Variants in HDAC9 observed in about 807,000 individuals in gnomAD.
HDAC9 encodes histone deacetylase 9.
In HDAC9, 41 loss-of-function variants were observed where a neutral mutation model predicts 139.4. The ratio of observed to expected loss-of-function variants is 0.29; its 90% confidence interval spans 0.23 to 0.38. HDAC9 has a LOEUF of 0.38. HDAC9 is among the 10% of genes least tolerant of loss of function. HDAC9 has a pLI of 1.00. For synonymous variants in HDAC9, 517 were observed against 476.2 expected, an observed-to-expected ratio of 1.09 and a Z score of -1.12; for missense variants, 1,147 against 1,297.0, an observed-to-expected ratio of 0.88 and a Z score of 1.78.
intron 2 of HDAC9, among the ~76,000 whole-genome samples, chr7:18,531,570 GA>G (rs1419827858): frequency 6.6e-6 from 1 of 151,644 alleles, no homozygotes; most frequent in Non-Finnish European, 1.5e-5. Context: ...TATGATTAAA[GA>G]AAATCAAGTT....
At chr7:18,155,959 AG>A (rs1216128584) in intron 1 of HDAC9, among the ~76,000 whole-genome samples, 5 of 152,206 alleles carry the variant, frequency 3.3e-5, no homozygotes, top group Non-Finnish European at 5.9e-5. Context: ...TGTGCCCATC[AG>A]CTTCCCAGTC....
chr7:18,389,592 G>A (rs1786266100), intron 1 of HDAC9, among the ~76,000 whole-genome samples: 2 of 152,192 alleles, frequency 1.3e-5, no homozygotes, highest in Non-Finnish European at 2.9e-5. Flanking sequence ...TGCAAGGGAG[G>A]CTGGGTTGTA....
chr7:18,682,447 A>G (rs899718973), intron 12 of HDAC9, among the ~76,000 whole-genome samples: 1 of 152,024 alleles, frequency 6.6e-6, no homozygotes, highest in Non-Finnish European at 1.5e-5. Context: ...ATGCCTACAC[A>G]CATTCACACT....
chr7:18,413,059 A>C (rs1218239796), intron 1 of HDAC9, among the ~76,000 whole-genome samples: 6 of 152,238 alleles, frequency 3.9e-5, no homozygotes, highest in African/African-American at 1.4e-4. Flanking sequence ...TTCTCTGTCA[A>C]GGATGTCTAC....
intron 2 of HDAC9, among the ~76,000 whole-genome samples, chr7:18,186,428 A>T (rs181700916): frequency 6.6e-6 from 1 of 152,352 alleles, no homozygotes; most frequent in East Asian, 1.9e-4. Context: ...TTGTGGTAGG[A>T]TGGTGCTTTC....
At position 18,762,273 on chromosome 7, in the gene HDAC9, C is replaced by A. The variant is rs756219499; in HGVS notation, c.2160C>A (p.Leu720=). The A allele has an allele frequency of 1.2e-4, 192 of 1,613,280 alleles. No individual in the cohort carries two copies. Among genetic ancestry groups the A allele is most frequent in the Non-Finnish European group, 1.6e-4 (186 of 1,179,588 alleles). Residue 720 remains leucine, a synonymous_variant, in exon 15 of 26, where the codon CTC becomes CTA. Transcript: ENST00000686413. ...GACAGAAGCTGGACCCCAGGATACTCCTAGGTCTGTACGGGCCTCCACTGT... is the reference window on the plus strand; with the variant it reads ...GACAGAAGCTGGACCCCAGGATACTACTAGGTCTGTACGGGCCTCCACTGT... ...LDGQKLDPRI[L]LGDDSQKFFS... is the part of the protein sequence containing the mutation.
At chr7:18,745,822 A>G (rs1247423408) in intron 13 of HDAC9, among the ~76,000 whole-genome samples, 2 of 150,514 alleles carry the variant, frequency 1.3e-5, no homozygotes, top group Non-Finnish European at 3.0e-5. Context: ...CTGGGATTAC[A>G]GGCGTGAGCC....
At chr7:18,359,029 C>G (rs1183692008) in intron 1 of HDAC9, among the ~76,000 whole-genome samples, 2 of 152,216 alleles carry the variant, frequency 1.3e-5, no homozygotes, top group Non-Finnish European at 2.9e-5. Flanking sequence ...AAAACCTGCA[C>G]TGTTCATCAC....
intron 1 of HDAC9, among the ~76,000 whole-genome samples, chr7:18,377,564 G>A (rs1785092826): frequency 6.6e-6 from 1 of 152,096 alleles, no homozygotes; most frequent in Admixed American, 6.6e-5. Context: ...CTAAAATAAA[G>A]ACAATAATTT....
chr7:18,762,861 C>A (rs982825830), intron 15 of HDAC9, among the ~76,000 whole-genome samples: 1 of 152,016 alleles, frequency 6.6e-6, no homozygotes, highest in African/African-American at 2.4e-5. Flanking sequence ...TTTTTTGAAA[C>A]TTTATCGTCA....
At chr7:18,308,091 ACT>A (rs2128621425) in intron 1 of HDAC9, among the ~76,000 whole-genome samples, 1 of 152,314 alleles carries the variant, frequency 6.6e-6, no homozygotes, top group Admixed American at 6.5e-5. Context: ...ATGTTTTCAA[ACT>A]CAAATGTAAT....
intron 6 of HDAC9, among the ~76,000 whole-genome samples, chr7:18,606,884 G>T (rs531353820): frequency 1.3e-5 from 2 of 152,220 alleles, no homozygotes; most frequent in South Asian, 4.1e-4. Context: ...GTGCTTTCTG[G>T]TGGCAGGGAG....
At chr7:18,644,827 C>G in intron 9 of HDAC9, 34 bp downstream of exon 9, 2 of 1,581,780 alleles carry the variant, frequency 1.3e-6, no homozygotes, top group African/African-American at 1.4e-5. Flanking sequence ...CTTAATCAAC[C>G]TAAGCAATAT....
At chr7:18,681,267 A>G (rs1466397040) in intron 12 of HDAC9, among the ~76,000 whole-genome samples, 1 of 152,022 alleles carries the variant, frequency 6.6e-6, no homozygotes, top group Non-Finnish European at 1.5e-5. Flanking sequence ...TTGAATTAGA[A>G]TATTCCAGTT....
At position 18,666,468 on chromosome 7, in the gene HDAC9, A is replaced by G. The variant is rs1381366477; in HGVS notation, c.1723A>G (p.Met575Val). The G allele has an allele frequency of 6.2e-7, 1 of 1,608,746 alleles. No homozygotes were observed. Among genetic ancestry groups the G allele is most frequent in the African/African-American group, 1.3e-5 (1 of 74,824 alleles). Residue 575 changes from methionine (M) to valine (V), a missense_variant, in exon 12 of 26, where the codon ATG (methionine) becomes GTG (valine). By Grantham distance (21) the Met-to-Val change is conservative. Around this residue, in one of 7 missense-constraint regions of HDAC9, gnomAD observed 256 missense variants for 219.2 expected, o/e 1.17. Transcript: ENST00000686413. Reference protein sequence around the residue: ...EMESGEQAAFMQQPFLEPTHT... With the variant: ...EMESGEQAAFVQQPFLEPTHT... ...GGAATCTGGGGAGCAGGCTGCTTTT[A>G]TGCAACAGGTAATAGGCAAAGATTT...
At chr7:18,845,665 G>C (rs1796857555) in intron 21 of HDAC9, among the ~76,000 whole-genome samples, 2 of 151,992 alleles carry the variant, frequency 1.3e-5, no homozygotes, top group Admixed American at 6.6e-5. Flanking sequence ...TTTTTCATAG[G>C]TGTGTTAGTG....
At chr7:18,089,773 A>G (rs1370483681) in intron 1 of HDAC9, among the ~76,000 whole-genome samples, 1 of 152,330 alleles carries the variant, frequency 6.6e-6, no homozygotes, top group South Asian at 2.1e-4. Context: ...GAAATAGCTA[A>G]CAAGGAGAGT....
intron 22 of HDAC9, among the ~76,000 whole-genome samples, chr7:18,918,776 A>C (rs1255802845): frequency 6.6e-6 from 1 of 152,100 alleles, no homozygotes; most frequent in Admixed American, 6.6e-5. Flanking sequence ...TGAAGTATCC[A>C]AAGAACCTGC....
intron 21 of HDAC9, among the ~76,000 whole-genome samples, chr7:18,857,859 AT>A (rs1797806555): frequency 6.6e-6 from 1 of 152,120 alleles, no homozygotes; most frequent in African/African-American, 2.4e-5. Flanking sequence ...TGACATTCCC[AT>A]TTTCAATGGG....
Sources: gnomAD v4.1 joint callset for allele counts (sites outside exome capture counted in the v4.1 genomes callset) on GRCh38, gnomAD v4.1.1 for gene constraint, gnomAD v4.1.1 regional missense constraint, MANE v1.5 for transcripts, NCBI Gene and HGNC (gene_info 2026-07-23, HGNC 2026-07-21) for gene names.